SHROOM3: variants seen among roughly 807,000 people sequenced by gnomAD.
SHROOM3 encodes protein Shroom3.
Under a neutral mutation model 138.6 loss-of-function variants are expected in SHROOM3, and 47 were observed. That is an observed-to-expected ratio of 0.34 (90% CI 0.27 to 0.43). The LOEUF (loss-of-function observed/expected upper bound fraction) is 0.43, where lower values mean the gene tolerates loss of function less well. Among genes scored for constraint, SHROOM3 ranks in the 20% least tolerant of loss-of-function variants. The pLI, the probability that SHROOM3 is intolerant of heterozygous loss-of-function variation, is 1.00. For missense variants in SHROOM3, 2,491 were observed against 2,596.5 expected (o/e 0.96, Z 0.88); for synonymous variants, 1,062 against 1,063.3 (o/e 1.00, Z 0.02).
chr4:76,469,478 A>G (rs1467117699), intron 1 of SHROOM3, among the ~76,000 whole-genome samples: 1 of 150,266 alleles, frequency 6.7e-6, no homozygotes, highest in African/African-American at 2.5e-5. Context: ...TTTTTTTGAG[A>G]CAGAGTCTCA....
chr4:76,690,651 A>T (rs1719501241), intron 2 of SHROOM3, among the ~76,000 whole-genome samples: 1 of 152,176 alleles, frequency 6.6e-6, no homozygotes, highest in African/African-American at 2.4e-5. Flanking sequence ...AAAAAATTTC[A>T]CCAGAAGTTG....
intron 1 of SHROOM3, among the ~76,000 whole-genome samples, chr4:76,460,081 G>A (rs1369131435): frequency 2.0e-5 from 3 of 152,118 alleles, no homozygotes; most frequent in African/African-American, 7.2e-5. Context: ...GTATGTGATC[G>A]CTTCTGGATT....
chr4:76,610,649 T>A (rs558155766), intron 2 of SHROOM3, among the ~76,000 whole-genome samples: 1 of 152,356 alleles, frequency 6.6e-6, no homozygotes, highest in South Asian at 2.1e-4. Flanking sequence ...TCCACTAATG[T>A]ACACCTTTGG....
intron 2 of SHROOM3, among the ~76,000 whole-genome samples, chr4:76,591,954 A>G (rs1032123877): frequency 6.6e-6 from 1 of 152,252 alleles, no homozygotes; most frequent in African/African-American, 2.4e-5. Context: ...GTCAGATAAC[A>G]CAAAAATAAG....
intron 2 of SHROOM3, among the ~76,000 whole-genome samples, chr4:76,673,073 G>C (rs907651684): frequency 6.6e-6 from 1 of 152,130 alleles, no homozygotes; most frequent in Non-Finnish European, 1.5e-5. Flanking sequence ...TTTTTGAAAA[G>C]TCCCTTCCCT....
At chr4:76,609,307 G>A (rs2110060218) in intron 2 of SHROOM3, among the ~76,000 whole-genome samples, 1 of 152,010 alleles carries the variant, frequency 6.6e-6, no homozygotes, top group East Asian at 1.9e-4. Context: ...TGTTTGTTTT[G>A]GAGACAGGAT....
At position 76,740,326 on chromosome 4, in the gene SHROOM3, G is replaced by C. The variant is rs114419726; in HGVS notation, c.2153G>C (p.Arg718Pro). 2.5e-6 allele frequency: 4 copies of C among 1,612,974 alleles called. No homozygotes were observed. The highest frequency in any genetic ancestry group is 2.7e-5 in the African/African-American group (2 of 74,950). ...CCTGACCTCGGGAGCCATCTGGACC[G>C]GCAGGTTTCCTACCCGCGGCCCGAG... is the stretch of plus-strand genomic sequence containing the variant. ...AAPDLGSHLD[R>P]QVSYPRPEGR... The change falls in exon 5 of 11, where the codon CGG (arginine) becomes CCG (proline). Residue 718 changes from arginine (R) to proline (P), a missense_variant. Transcript: ENST00000296043. The surrounding 1 kb of genome is among the most constrained non-coding windows in gnomAD (Gnocchi z 4.0).
At chr4:76,696,088 T>TG (rs1342738058) in intron 2 of SHROOM3, among the ~76,000 whole-genome samples, 9 of 152,180 alleles carry the variant, frequency 5.9e-5, no homozygotes, top group Non-Finnish European at 1.3e-4. Flanking sequence ...TGCTCTCTGA[T>TG]GGGGAAAAAA....
chr4:76,754,264 G>A lies in SHROOM3; in HGVS notation c.3828-47G>A, dbSNP rs181588876. 4.1e-4 allele frequency: 657 copies of A among 1,612,642 alleles called. 1 individual carries two copies. The African/African-American group carries it at 8.2e-3, about 20-fold the overall frequency. ...GTAAGGAGCATTGGGCTGCATGTTT[G>A]CCCCTTTCTTCAGAGCTGTAACCCT... On this transcript the variant is annotated intron_variant, in intron 6 of 10. Transcript: ENST00000296043.
intron 2 of SHROOM3, among the ~76,000 whole-genome samples, chr4:76,699,026 A>G (rs1341595618): frequency 6.6e-6 from 1 of 152,134 alleles, no homozygotes; most frequent in African/African-American, 2.4e-5. Context: ...GACTTTCCAC[A>G]TCCATCTCCC....
rs11931580 is a variant in SHROOM3, at chr4:76,762,418, A to G, written c.5349+2723A>G. Among the ~76,000 whole-genome samples the G allele has an allele frequency of 9.2e-3, 1,399 of 152,334 alleles. 19 individuals carry two copies. The highest frequency in any genetic ancestry group is 0.032 in the African/African-American group (1,315 of 41,576). On this transcript the variant is annotated intron_variant, in intron 9 of 10. Transcript: ENST00000296043. ...TCCTAAATCAGACTCTTACGAGGAA[A>G]AACAGCTCACATTTGTTTTCTCTCT...
intron 1 of SHROOM3, among the ~76,000 whole-genome samples, chr4:76,453,023 A>T (rs1348295241): frequency 1.3e-5 from 2 of 152,002 alleles, no homozygotes; most frequent in Admixed American, 1.3e-4. Flanking sequence ...CAGCCTAGAT[A>T]TATGTTTTTA....
intron 2 of SHROOM3, among the ~76,000 whole-genome samples, chr4:76,590,550 CA>C (rs1560556521): frequency 6.7e-6 from 1 of 148,950 alleles, no homozygotes. Context: ...CACACAAAAC[CA>C]AAAAACTGCT....
chr4:76,772,867 G>C (rs997696224), intron 10 of SHROOM3, among the ~76,000 whole-genome samples: 3 of 152,148 alleles, frequency 2.0e-5, no homozygotes, highest in African/African-American at 7.2e-5. Flanking sequence ...CTTCTCAGGT[G>C]GGGGAGCGTA....
intron 1 of SHROOM3, among the ~76,000 whole-genome samples, chr4:76,513,773 A>C (rs552440047): frequency 6.6e-6 from 1 of 152,370 alleles, no homozygotes; most frequent in African/African-American, 2.4e-5. Flanking sequence ...CTTAGCTGGC[A>C]GGCACTGAGA....
chr4:76,538,936 T>C (rs1419529959), intron 1 of SHROOM3, among the ~76,000 whole-genome samples: 1 of 152,200 alleles, frequency 6.6e-6, no homozygotes, highest in Non-Finnish European at 1.5e-5. Flanking sequence ...TGTCATCATA[T>C]TGGCCATCAT....
chr4:76,631,084 G>T (rs1254175863), intron 2 of SHROOM3, among the ~76,000 whole-genome samples: 1 of 152,064 alleles, frequency 6.6e-6, no homozygotes, highest in African/African-American at 2.4e-5. Flanking sequence ...AGCAAAGAAG[G>T]TAAGTTCAGA....
intron 1 of SHROOM3, among the ~76,000 whole-genome samples, chr4:76,469,300 G>A (rs887381289): frequency 6.6e-6 from 1 of 152,074 alleles, no homozygotes. Flanking sequence ...AACTGATATG[G>A]CCAACCTCTG....
intron 1 of SHROOM3, among the ~76,000 whole-genome samples, chr4:76,438,551 C>T (rs1298645061): frequency 6.6e-6 from 1 of 152,174 alleles, no homozygotes; most frequent in Non-Finnish European, 1.5e-5. Flanking sequence ...AACATCTTCC[C>T]CCATGTTGTC....
Sources: allele counts gnomAD v4.1 joint callset (sites outside exome capture counted in the v4.1 genomes callset), GRCh38; gene constraint gnomAD v4.1.1; non-coding constraint Gnocchi (gnomAD v3.1); transcripts MANE v1.5; gene names NCBI Gene and HGNC (gene_info 2026-07-23, HGNC 2026-07-21).